Variants in PIGX observed in about 807,000 individuals in gnomAD.
PIGX encodes the protein GPI alpha-1,4-mannosyltransferase I, stabilizing subunit.
Under a neutral mutation model 28.7 loss-of-function variants are expected in PIGX, and 24 were observed. That is an observed-to-expected ratio of 0.84 (90% CI 0.60 to 1.17). PIGX has a LOEUF of 1.17. Ranked by LOEUF, PIGX falls within the 50% of genes most tolerant of loss-of-function variation. The pLI is 0.00. For synonymous variants in PIGX, 127 were observed against 121.0 expected, an observed-to-expected ratio of 1.05 and a Z score of -0.33; for missense variants, 305 against 317.8, an observed-to-expected ratio of 0.96 and a Z score of 0.31.
chr3:196,713,681 G>T (rs148212067), intron 1 of PIGX, among the ~76,000 whole-genome samples: 23 of 151,798 alleles, frequency 1.5e-4, no homozygotes, highest in African/African-American at 5.6e-4. Context: ...TTGAAAAGGG[G>T]TCAAAATTAG....
chr3:196,729,627 T>A (rs1003612062), intron 4 of PIGX, among the ~76,000 whole-genome samples: 1 of 150,992 alleles, frequency 6.6e-6, no homozygotes, highest in East Asian at 2.0e-4. Flanking sequence ...GACCTCGTGA[T>A]CCACCCGCCT....
At chr3:196,719,214 G>A (rs1288493969) in intron 2 of PIGX, among the ~76,000 whole-genome samples, 1 of 151,964 alleles carries the variant, frequency 6.6e-6, no homozygotes, top group Non-Finnish European at 1.5e-5. Context: ...TATTAATATG[G>A]TTGGTCTGGT....
chr3:196,734,146 G>C lies in PIGX; in HGVS notation c.*244G>C. On this transcript the variant is annotated 3_prime_UTR_variant, in exon 6 of 6. Coordinates refer to ENST00000392391, the MANE Select transcript of PIGX (RefSeq NM_017861.4). Reference sequence around the variant, plus strand: ...GGAAACTTAATTCTGCTAAATTAATGTTTATTTTGTGAGAAGTGACTTTAT... The same window carrying C: ...GGAAACTTAATTCTGCTAAATTAATCTTTATTTTGTGAGAAGTGACTTTAT... 2.8e-6 allele frequency: 1 copy of C among 360,540 alleles called. No individual in the cohort carries two copies. The highest frequency in any genetic ancestry group is 5.0e-6 in the Non-Finnish European group (1 of 201,792). 22.3% of individuals were successfully genotyped at this position (360,540 alleles called of 1,614,324 possible). A position where few individuals can be genotyped will look rare whatever the true frequency, so the allele number is the denominator to read the frequency against.
Position 196,733,837 on chromosome 3 carries a change from A to T in PIGX, c.712A>T (p.Ile238Phe). The stretch of plus-strand genomic sequence containing the variant: ...TCTAGTATGTTCTGTGACTCTGCTC[A>T]TTACAATCCTGTGCTCTACATTGAT... The change falls in exon 6 of 6, where the codon ATT becomes TTT. Residue 238 changes from isoleucine to phenylalanine, a missense_variant. Ile to Phe is a conservative substitution (Grantham distance 21, BLOSUM62 0). Coordinates refer to ENST00000392391, the MANE Select transcript of PIGX (RefSeq NM_017861.4). This position sits in a 1 kb window ranked among gnomAD's most constrained non-coding sequence, Gnocchi z 4.3. The T allele has an allele frequency of 6.3e-7, 1 of 1,598,986 alleles. No individual in the cohort carries two copies. The highest frequency in any genetic ancestry group is 8.6e-7 in the Non-Finnish European group (1 of 1,166,200).
In PIGX at chr3:196,728,035, C is replaced by G; in HGVS notation, c.431C>G (p.Ala144Gly). The G allele has an allele frequency of 6.2e-7, 1 of 1,614,038 alleles. No individual in the cohort carries two copies. The highest frequency in any genetic ancestry group is 1.1e-5 in the South Asian group (1 of 91,074). Residue 144 changes from alanine (A) to glycine (G), a missense_variant, in exon 4 of 6, where the codon GCC (alanine) becomes GGC (glycine). Coordinates refer to ENST00000392391, the MANE Select transcript of PIGX (RefSeq NM_017861.4). ...TCACAGTGCATTGACTGTTTTCAAG[C>G]CTTTTTGCCTGTGCACTGCCGCTAT...
chr3:196,727,860 A>G lies in PIGX; in HGVS notation c.319-63A>G, dbSNP rs992018553. 4 of 1,217,374 alleles carry G rather than the reference A, an allele frequency of 3.3e-6. No homozygotes were observed. The African/African-American group carries it at 6.1e-5, about 18-fold the overall frequency. 75.4% of individuals were successfully genotyped at this position (1,217,374 alleles called of 1,614,324 possible). ...TATCTGTATATAGTCTTCTGGTTTT[A>G]ACTTTTTAAAAATCTTCCTCATTCA... On this transcript the variant is annotated intron_variant, in intron 3 of 5. Transcript: ENST00000392391.
At chr3:196,720,724 T>C (rs1333771878) in intron 2 of PIGX, among the ~76,000 whole-genome samples, 1 of 147,508 alleles carries the variant, frequency 6.8e-6, no homozygotes, top group East Asian at 2.1e-4. Flanking sequence ...TCTTTTATAT[T>C]CCCCCACATA....
chr3:196,731,267 T>C (rs999801484), intron 5 of PIGX, among the ~76,000 whole-genome samples, 175 bp downstream of exon 5: 1 of 151,954 alleles, frequency 6.6e-6, no homozygotes, highest in African/African-American at 2.4e-5. Context: ...AGCCTCCGCC[T>C]ACCAGGTTCA....
intron 5 of PIGX, among the ~76,000 whole-genome samples, chr3:196,731,801 A>C (rs1323627970): frequency 6.6e-6 from 1 of 152,020 alleles, no homozygotes; most frequent in Non-Finnish European, 1.5e-5. Context: ...CCCTTTTAAA[A>C]CATTTTGAAT....
At chr3:196,726,707 C>T (rs1712537403) in intron 3 of PIGX, 1 of 456,040 alleles carries the variant, frequency 2.2e-6, no homozygotes, top group Non-Finnish European at 4.4e-6. Context: ...TGAAGGATCC[C>T]TAGTGGAATA....
Position 196,716,891 on chromosome 3 carries a change from G to A in PIGX, c.146G>A (p.Arg49Lys). 1 of 1,607,832 alleles carries A rather than the reference G, an allele frequency of 6.2e-7. No individual in the cohort carries two copies. The highest frequency in any genetic ancestry group is 8.5e-7 in the Non-Finnish European group (1 of 1,174,828). Reference sequence around the variant, plus strand: ...GCCATGTGTTCTGAAATTATTTTGAGGCAAGAAGTTTTGAAAGATGGTTTC... The same window carrying A: ...GCCATGTGTTCTGAAATTATTTTGAAGCAAGAAGTTTTGAAAGATGGTTTC... The change falls in exon 2 of 6, where the codon AGG becomes AAG. Residue 49 changes from arginine to lysine, a missense_variant. Physicochemically the swap from Arg to Lys is conservative, Grantham distance 26. Coordinates refer to ENST00000392391, the MANE Select transcript of PIGX (RefSeq NM_017861.4).
intron 1 of PIGX, among the ~76,000 whole-genome samples, chr3:196,716,054 C>G (rs143495838): frequency 6.6e-6 from 1 of 152,082 alleles, no homozygotes; most frequent in Non-Finnish European, 1.5e-5. Flanking sequence ...TCTCTGTCAC[C>G]CAGGCTTGAG....
intron 5 of PIGX, among the ~76,000 whole-genome samples, chr3:196,732,447 A>G (rs1712849811): frequency 6.7e-6 from 1 of 149,480 alleles, no homozygotes; most frequent in African/African-American, 2.5e-5. Context: ...ATGCCTGGAT[A>G]ATTTTTGTAT....
At chr3:196,720,743 T>G (rs1320699727) in intron 2 of PIGX, among the ~76,000 whole-genome samples, 2 of 127,910 alleles carry the variant, frequency 1.6e-5, no homozygotes, top group African/African-American at 5.9e-5. Flanking sequence ...TACTTATCAT[T>G]TCTGATCTCT....
chr3:196,715,888 A>C (rs555163808), intron 1 of PIGX, among the ~76,000 whole-genome samples: 1 of 152,262 alleles, frequency 6.6e-6, no homozygotes, highest in Non-Finnish European at 1.5e-5. Context: ...TGTGTTTTTT[A>C]AATGTTCTTC....
At chr3:196,716,726 A>G (rs1387466954) in intron 1 of PIGX, 132 bp from the exon 2 acceptor site, 1 of 386,590 alleles carries the variant, frequency 2.6e-6, no homozygotes, top group Admixed American at 4.4e-5. Context: ...TTAAATTTTA[A>G]AAGGTTTTGT....
At chr3:196,713,462 T>A (rs1028487595) in intron 1 of PIGX, among the ~76,000 whole-genome samples, 1 of 151,832 alleles carries the variant, frequency 6.6e-6, no homozygotes, top group African/African-American at 2.4e-5. Flanking sequence ...CCCGCCACCA[T>A]GCCCAGCTAA....
chr3:196,732,424 G>A (rs1712848252), intron 5 of PIGX, among the ~76,000 whole-genome samples: 1 of 149,664 alleles, frequency 6.7e-6, no homozygotes, highest in Non-Finnish European at 1.5e-5. Context: ...TGGGACTATA[G>A]GCACGTGCCA....
chr3:196,726,769 T>C (rs1712539442), intron 3 of PIGX: 1 of 450,288 alleles, frequency 2.2e-6, no homozygotes, highest in Admixed American at 2.4e-5. Context: ...GTAAATGTTA[T>C]AGGTTAGTAC....
Sources: allele counts gnomAD v4.1 joint callset (sites outside exome capture counted in the v4.1 genomes callset), GRCh38; gene constraint gnomAD v4.1.1; non-coding constraint Gnocchi (gnomAD v3.1); transcripts MANE v1.5; gene names NCBI Gene and HGNC (gene_info 2026-07-23, HGNC 2026-07-21).